RBBP6: variants seen among roughly 807,000 people sequenced by gnomAD.
RBBP6 encodes the protein E3 ubiquitin-protein ligase RBBP6.
In RBBP6, 25 loss-of-function variants were observed where a neutral mutation model predicts 167.7. The ratio of observed to expected loss-of-function variants is 0.15; its 90% CI spans 0.11 to 0.21. The LOEUF (loss-of-function observed/expected upper bound fraction) is 0.21. Among genes scored for constraint, RBBP6 ranks in the 10% least tolerant of loss-of-function variants. The pLI, the probability that RBBP6 is intolerant of heterozygous loss-of-function variation, is 1.00. For missense variants in RBBP6, 1,868 were observed against 2,134.2 expected (o/e 0.88, Z 2.46); for synonymous variants, 789 against 735.8 (o/e 1.07, Z -1.17).
intron 7 of RBBP6, 48 bp from the exon 8 acceptor site, chr16:24,559,457 T>C (rs1261623856): frequency 6.8e-7 from 1 of 1,467,524 alleles, no homozygotes; most frequent in Non-Finnish European, 9.3e-7. Context: ...GTAGCATGAG[T>C]ACTCTGCCTT....
intron 7 of RBBP6, among the ~76,000 whole-genome samples, chr16:24,557,174 A>AT (rs984902112): frequency 8.6e-5 from 13 of 151,316 alleles, no homozygotes; most frequent in African/African-American, 2.7e-4. Flanking sequence ...AATTTTTTGT[A>AT]TTTTTTTAGT....
chr16:24,550,661 T>C (rs1898775340), intron 3 of RBBP6, among the ~76,000 whole-genome samples: 1 of 151,812 alleles, frequency 6.6e-6, no homozygotes, highest in Admixed American at 6.6e-5. Flanking sequence ...TCTTTTAGCC[T>C]TGTGTGTTCC....
Position 24,555,813 on chromosome 16 carries a change from C to T in RBBP6, c.438-8C>T, listed in dbSNP as rs367925222. On this transcript the variant is annotated splice_region_variant and splice_polypyrimidine_tract_variant and intron_variant, in intron 5 of 17. Coordinates refer to ENST00000319715, the MANE Select transcript of RBBP6 (RefSeq NM_006910.5). ...TCGTATACATGTAATTTTTTTTCCC[C>T]CTTTTAGTTACATGAAGAAACCTCT... is the stretch of plus-strand genomic sequence containing the variant. 3.7e-6 allele frequency: 6 copies of T among 1,601,386 alleles called. No homozygotes were observed. Among genetic ancestry groups the T allele is most frequent in the South Asian group, 1.1e-5 (1 of 90,606 alleles).
At chr16:24,560,200 T>TC (rs542167341) in intron 8 of RBBP6, among the ~76,000 whole-genome samples, 91 of 151,108 alleles carry the variant, frequency 6.0e-4, no homozygotes, top group African/African-American at 2.1e-3. Flanking sequence ...TCCTCTGCCT[T>TC]CTGGCTTCAC....
At chr16:24,545,449 A>T (rs1218766883) in intron 1 of RBBP6, among the ~76,000 whole-genome samples, 1 of 152,156 alleles carries the variant, frequency 6.6e-6, no homozygotes, top group Non-Finnish European at 1.5e-5. Flanking sequence ...TTGCACTTCA[A>T]AACAAAATAT....
intron 1 of RBBP6, among the ~76,000 whole-genome samples, chr16:24,542,456 C>CT (rs1555471340): frequency 3.3e-3 from 356 of 108,958 alleles, no homozygotes; most frequent in Non-Finnish European, 4.3e-3. Flanking sequence ...TTGAATGCAG[C>CT]TTTTTTTTTT....
intron 3 of RBBP6, chr16:24,553,289 A>C (rs573724389): frequency 2.1e-5 from 9 of 437,126 alleles, no homozygotes; most frequent in African/African-American, 1.4e-4. Flanking sequence ...TTTCATTTTA[A>C]TTGAGTCCCC....
At chr16:24,549,079 A>G (rs1157804806) in intron 3 of RBBP6, 98 bp downstream of exon 3, 2 of 1,544,428 alleles carry the variant, frequency 1.3e-6, no homozygotes, top group Non-Finnish European at 8.8e-7. Context: ...TATCCAACTG[A>G]TCATAGTACA....
chr16:24,569,795 A>G lies in RBBP6; in HGVS notation c.3105A>G (p.Val1035=), dbSNP rs763032274. The change falls in exon 17 of 18, where the codon GTA becomes GTG. Residue 1035 remains valine (V), a synonymous_variant. Transcript: ENST00000319715. The part of the protein sequence containing the change: ...GSAVSKKENI[V]KPAKGPQEKV... Reference sequence around the variant, plus strand: ...CTGTGTCCAAAAAAGAAAATATTGTAAAACCTGCTAAAGGACCCCAAGAAA... The same window carrying G: ...CTGTGTCCAAAAAAGAAAATATTGTGAAACCTGCTAAAGGACCCCAAGAAA... 4 of 1,613,360 alleles carry G rather than the reference A, an allele frequency of 2.5e-6. No individual in the cohort carries two copies. The highest frequency in any genetic ancestry group is 3.4e-6 in the Non-Finnish European group (4 of 1,179,874).
chr16:24,546,095 G>A (rs1321654360), intron 1 of RBBP6, 68 bp from the exon 2 acceptor site: 2 of 1,479,352 alleles, frequency 1.4e-6, no homozygotes, highest in Non-Finnish European at 1.8e-6. Context: ...TATATTTGAA[G>A]TTTTCTAATT....
At position 24,572,320 on chromosome 16, in the gene RBBP6, G is replaced by A. The variant is rs968511962; in HGVS notation, c.5254G>A (p.Gly1752Ser). 17 of 1,567,964 alleles carry A rather than the reference G, an allele frequency of 1.1e-5. No homozygotes were observed. Among genetic ancestry groups the A allele is most frequent in the Admixed American group, 1.9e-5 (1 of 51,978 alleles). Residue 1752 changes from glycine to serine, a missense_variant, in exon 18 of 18, where the codon GGC becomes AGC. By Grantham distance (56) the Gly-to-Ser change is moderately conservative. Transcript: ENST00000319715. ...KKHKKHKKHA[G>S]TEVELEKSQK... ...GCATAAGAAGCATAAGAAACATGCAGGCACTGAAGTGGAATTGGAAAAAAG... is the reference window on the plus strand; with the variant it reads ...GCATAAGAAGCATAAGAAACATGCAAGCACTGAAGTGGAATTGGAAAAAAG...
At chr16:24,559,419 G>A (rs1442794171) in intron 7 of RBBP6, 86 bp from the exon 8 acceptor site, 5 of 1,121,628 alleles carry the variant, frequency 4.5e-6, no homozygotes, top group African/African-American at 3.2e-5. Flanking sequence ...GCTGAATTAT[G>A]TGTTCCCATT....
At chr16:24,545,443 A>G (rs1485008697) in intron 1 of RBBP6, among the ~76,000 whole-genome samples, 1 of 152,172 alleles carries the variant, frequency 6.6e-6, no homozygotes, top group Non-Finnish European at 1.5e-5. Context: ...TTCCTGTTGC[A>G]CTTCAAAACA....
chr16:24,559,707 T>C lies in RBBP6; in HGVS notation c.847+30T>C, dbSNP rs775077836. 5 of 1,480,830 alleles carry C rather than the reference T, an allele frequency of 3.4e-6. No individual in the cohort carries two copies. In the Admixed American group the frequency reaches 7.1e-5, roughly 21 times the overall value. 91.7% of individuals were successfully genotyped at this position (1,480,830 alleles called of 1,614,324 possible). A position where few individuals can be genotyped will look rare whatever the true frequency, so the allele number is the denominator to read the frequency against. On this transcript the variant is annotated intron_variant, in intron 8 of 17. Coordinates refer to ENST00000319715, the MANE Select transcript of RBBP6 (RefSeq NM_006910.5). ...GAAGTGCTGAATCTTGGAAGATGTA[T>C]ATTTTAGAATATTTGTATTTACTTG...
At position 24,553,559 on chromosome 16, in the gene RBBP6, TA is replaced by T; in HGVS notation, c.348+3del. 6.3e-6 allele frequency: 1 copy of T among 158,924 alleles called. No homozygotes were observed. Among genetic ancestry groups the T allele is most frequent in the Non-Finnish European group, 7.7e-6 (1 of 129,500 alleles). The allele number at this position is 158,924 out of a possible 1,614,324, so 9.8% of individuals were successfully genotyped here. On this transcript the variant is annotated splice_donor_region_variant and intron_variant, in intron 4 of 17. Transcript: ENST00000319715. ...ATTTCTCTGGCCCAGCTTACAAAGG[TA>T]TATATATATATATATTCTTGAAAAT...
intron 16 of RBBP6, among the ~76,000 whole-genome samples, 192 bp downstream of exon 16, chr16:24,568,085 A>C (rs1013212892): frequency 3.3e-5 from 5 of 152,340 alleles, no homozygotes; most frequent in East Asian, 3.9e-4. Flanking sequence ...TTTATTGTGT[A>C]GAACTAACAG....
In RBBP6 at chr16:24,563,624, A is replaced by C; in HGVS notation, c.1480A>C (p.Asn494His). 3.1e-6 allele frequency: 5 copies of C among 1,612,518 alleles called. No individual in the cohort carries two copies. Among genetic ancestry groups the C allele is most frequent in the Non-Finnish European group, 3.4e-6 (4 of 1,179,788 alleles). Residue 494 changes from asparagine to histidine, a missense_variant, in exon 13 of 18, where the codon AAT becomes CAT. Physicochemically the swap from Asn to His is moderately conservative, Grantham distance 68. Transcript: ENST00000319715. ...TTTGTTTCTAGGTCCAGTAAGAATA[A>C]ATACTGCTCGTCCAGGTGGTGGTCG... ...LIPTTGPVRI[N>H]TARPGGGRPG...
At chr16:24,556,570 T>C in intron 7 of RBBP6, 123 bp downstream of exon 7, 1 of 1,101,930 alleles carries the variant, frequency 9.1e-7, no homozygotes, top group Non-Finnish European at 1.2e-6. Context: ...CCAAAGCCAT[T>C]AGTCTCTACA....
At position 24,570,921 on chromosome 16, in the gene RBBP6, A is replaced by C; in HGVS notation, c.3855A>C (p.Lys1285Asn). The C allele has an allele frequency of 6.3e-7, 1 of 1,588,482 alleles. No individual in the cohort carries two copies. The highest frequency in any genetic ancestry group is 1.7e-4 in the Middle Eastern group (1 of 5,998). The change falls in exon 18 of 18, where the codon AAA (lysine) becomes AAC (asparagine). Residue 1285 changes from lysine to asparagine, a missense_variant. This residue lies in a region of RBBP6 where 673 missense variants were observed against 691.5 expected (regional missense o/e 0.97). Coordinates refer to ENST00000319715, the MANE Select transcript of RBBP6 (RefSeq NM_006910.5). Reference sequence around the variant, plus strand: ...GTCCTGTGCGGAAATCTGAAGAAAAAACAGATACAAAGCGAACTGTGATTA... The same window carrying C: ...GTCCTGTGCGGAAATCTGAAGAAAACACAGATACAAAGCGAACTGTGATTA... ...GGSPVRKSEEKTDTKRTVIKT... is the reference protein window; with the variant it reads ...GGSPVRKSEENTDTKRTVIKT...
Sources: allele counts gnomAD v4.1 joint callset (sites outside exome capture counted in the v4.1 genomes callset), GRCh38; gene constraint gnomAD v4.1.1; regional missense constraint gnomAD v4.1.1; transcripts MANE v1.5; gene names NCBI Gene and HGNC (gene_info 2026-07-23, HGNC 2026-07-21).